The following TOPBP1 variants were observed in gnomAD, a reference collection of about 807,000 sequenced individuals.
TOPBP1 encodes the protein DNA topoisomerase II binding protein 1.
TOPBP1 carries 28 observed loss-of-function variants against 167.7 expected under a neutral mutation model. The ratio of observed to expected loss-of-function variants is 0.17; its 90% CI spans 0.12 to 0.23. The LOEUF is 0.23. TOPBP1 is among the 10% of genes least tolerant of loss of function. TOPBP1 has a pLI of 1.00. For missense variants in TOPBP1, 1,554 were observed against 1,809.6 expected, an observed-to-expected ratio of 0.86 and a Z score of 2.56; for synonymous variants, 598 against 611.4, an observed-to-expected ratio of 0.98 and a Z score of 0.32.
rs1356987231 is a variant in TOPBP1, at chr3:133,616,142, CAG to C, written c.3871+670_3871+671del. Among the ~76,000 whole-genome samples, 6 of 126,568 alleles carry C rather than the reference CAG, an allele frequency of 4.7e-5. No individual in the cohort carries two copies. The East Asian group carries it at 9.9e-4, about 21-fold the overall frequency. The allele number at this position is 126,568 out of a possible 152,430, so 83.0% of individuals were successfully genotyped here. A position where few individuals can be genotyped will look rare whatever the true frequency, so the allele number is the denominator to read the frequency against. On this transcript the variant is annotated intron_variant, in intron 23 of 27. Transcript: ENST00000260810. ...TTTCCCTTTTTTTTTTTTTTTGAGACAGAGTCTTGCTTTGTCACCCAGCCTGG... is the reference window on the plus strand; with the variant it reads ...TTTCCCTTTTTTTTTTTTTTTGAGACAGTCTTGCTTTGTCACCCAGCCTGG...
chr3:133,658,988 C>A, intron 3 of TOPBP1, 28 bp downstream of exon 3: 2 of 1,567,308 alleles, frequency 1.3e-6, no homozygotes, highest in Admixed American at 2.0e-5. Flanking sequence ...AATAGACTAC[C>A]AAAGGTACAC....
chr3:133,637,447 G>A (rs1417563094), intron 14 of TOPBP1, among the ~76,000 whole-genome samples: 2 of 152,130 alleles, frequency 1.3e-5, no homozygotes, highest in African/African-American at 4.8e-5. Flanking sequence ...ATTTTCAGAA[G>A]GCAAATCCCG....
chr3:133,621,107 G>A (rs2107784573), intron 19 of TOPBP1, among the ~76,000 whole-genome samples: 1 of 152,198 alleles, frequency 6.6e-6, no homozygotes, highest in East Asian at 1.9e-4. Flanking sequence ...TAACTCCTGG[G>A]CTCAAGTGAT....
intron 20 of TOPBP1, among the ~76,000 whole-genome samples, chr3:133,619,440 TCACA>T (rs1184952396): frequency 6.6e-6 from 1 of 152,170 alleles, no homozygotes; most frequent in East Asian, 1.9e-4. Context: ...ATAATTCTTA[TCACA>T]CAATTATAGA....
intron 14 of TOPBP1, among the ~76,000 whole-genome samples, chr3:133,629,574 TAAA>T (rs1436213867): frequency 1.3e-5 from 2 of 152,014 alleles, no homozygotes; most frequent in African/African-American, 4.8e-5. Context: ...TTAAAAAAAC[TAAA>T]AAAACAAGAC....
chr3:133,601,213 A>C lies in TOPBP1; in HGVS notation c.*37T>G. 1 of 1,556,214 alleles carries C rather than the reference A, an allele frequency of 6.4e-7. No homozygotes were observed. Among genetic ancestry groups the C allele is most frequent in the South Asian group, 1.2e-5 (1 of 81,118 alleles). On this transcript the variant is annotated 3_prime_UTR_variant, in exon 28 of 28. Coordinates refer to ENST00000260810, the MANE Select transcript of TOPBP1 (RefSeq NM_007027.4). ...TCACATTCAGGCTTTCAATTTTTAA[A>C]AACATTTAATGTTTGGTAACTAAAG...
Position 133,649,776 on chromosome 3 carries a change from A to G in TOPBP1, c.1253+4T>C, listed in dbSNP as rs775067017. On this transcript the variant is annotated splice_donor_region_variant and intron_variant, in intron 9 of 27. Transcript: ENST00000260810. ...AATTGCTTTGAATTAAAAACGAAAAAAACCTGTGGGCTGATTTATTCCAAA... is the reference window on the plus strand; with the variant it reads ...AATTGCTTTGAATTAAAAACGAAAAGAACCTGTGGGCTGATTTATTCCAAA... 6.3e-7 allele frequency: 1 copy of G among 1,584,330 alleles called. No individual in the cohort carries two copies. Among genetic ancestry groups the G allele is most frequent in the African/African-American group, 1.4e-5 (1 of 72,982 alleles).
intron 20 of TOPBP1, 130 bp downstream of exon 20, chr3:133,620,025 A>T: frequency 1.1e-6 from 1 of 924,346 alleles, no homozygotes; most frequent in Non-Finnish European, 1.6e-6. Context: ...TTCAGCTTTT[A>T]CTGCATATTG....
chr3:133,614,391 A>T (rs1934790420), intron 23 of TOPBP1, among the ~76,000 whole-genome samples: 1 of 152,172 alleles, frequency 6.6e-6, no homozygotes, highest in South Asian at 2.1e-4. Context: ...CTACATAACA[A>T]ACTTATTCTG....
At chr3:133,650,215 C>T (rs1414064927) in intron 8 of TOPBP1, among the ~76,000 whole-genome samples, 1 of 152,086 alleles carries the variant, frequency 6.6e-6, no homozygotes, top group Non-Finnish European at 1.5e-5. Flanking sequence ...CAGAGTCCAA[C>T]ATCTTCTAAA....
chr3:133,637,079 T>A (rs887772098), intron 14 of TOPBP1, among the ~76,000 whole-genome samples: 1 of 152,148 alleles, frequency 6.6e-6, no homozygotes, highest in Non-Finnish European at 1.5e-5. Context: ...TATAAACTTT[T>A]TAGTAAGTCC....
At chr3:133,611,268 A>G (rs762634630) in intron 24 of TOPBP1, 127 bp from the exon 25 acceptor site, 2 of 743,184 alleles carry the variant, frequency 2.7e-6, no homozygotes, top group Non-Finnish European at 3.9e-6. Context: ...TTACAAATAC[A>G]GACAGTACTA....
At chr3:133,630,345 C>G (rs1441942651) in intron 14 of TOPBP1, among the ~76,000 whole-genome samples, 1 of 150,540 alleles carries the variant, frequency 6.6e-6, no homozygotes, top group East Asian at 1.9e-4. Context: ...GTCACCCAAG[C>G]TGGAGTACAG....
chr3:133,618,443 A>G lies in TOPBP1; in HGVS notation c.3372-10T>C. ...TGTCTGACGAGACTGCCTAAGGAAT[A>G]GAAGTGACAGTTTAAATAAACAGCA... On this transcript the variant is annotated splice_polypyrimidine_tract_variant and intron_variant, in intron 20 of 27. Coordinates refer to ENST00000260810, the MANE Select transcript of TOPBP1 (RefSeq NM_007027.4). 6.2e-7 allele frequency: 1 copy of G among 1,607,482 alleles called. No homozygotes were observed. The highest frequency in any genetic ancestry group is 1.1e-5 in the South Asian group (1 of 90,882).
At chr3:133,609,669 T>C (rs55729127) in intron 25 of TOPBP1, among the ~76,000 whole-genome samples, 21,190 of 152,162 alleles carry the variant, frequency 0.14, 1,831 homozygotes, top group Non-Finnish European at 0.2. Flanking sequence ...TTCCCCACTT[T>C]GCTCTGCACT....
At position 133,618,276 on chromosome 3, in the gene TOPBP1, T is replaced by A; in HGVS notation, c.3529A>T (p.Ile1177Phe). The A allele has an allele frequency of 6.2e-7, 1 of 1,614,020 alleles. No homozygotes were observed. ...AAAGGAGAATCCTCCAAGTTTTGAA[T>A]GTCAACCTGAAGCTCAGAGTATTGT... ...PTQYSELQVDIQNLEDSPFQK... is the reference protein window; with the variant it reads ...PTQYSELQVDFQNLEDSPFQK... The change falls in exon 21 of 28, where the codon ATT becomes TTT. Residue 1177 changes from isoleucine (I) to phenylalanine (F), a missense_variant. Around this residue, in one of 3 missense-constraint regions of TOPBP1, gnomAD observed 351 missense variants for 432.9 expected, o/e 0.81. Transcript: ENST00000260810.
Position 133,623,550 on chromosome 3 carries a change from T to G in TOPBP1, c.2929-93A>C, listed in dbSNP as rs1935169802. The G allele has an allele frequency of 7.5e-6, 10 of 1,340,676 alleles. No individual in the cohort carries two copies. The East Asian group carries it at 2.4e-4, about 32-fold the overall frequency. 83.0% of individuals were successfully genotyped at this position (1,340,676 alleles called of 1,614,324 possible). A position where few individuals can be genotyped will look rare whatever the true frequency, so the allele number is the denominator to read the frequency against. On this transcript the variant is annotated intron_variant, in intron 17 of 27. Transcript: ENST00000260810. ...GATAAGGACAAGCAATACATTATAC[T>G]GTAATATGGCAAAAAGTTCACAAAA...
chr3:133,643,436 T>G, intron 11 of TOPBP1, 64 bp from the exon 12 acceptor site: 1 of 1,392,442 alleles, frequency 7.2e-7, no homozygotes, highest in Non-Finnish European at 9.6e-7. Context: ...TAACACTGGT[T>G]CAGGTACAGA....
At chr3:133,643,874 G>T (rs1334907086) in intron 11 of TOPBP1, 146 bp downstream of exon 11, 2 of 798,458 alleles carry the variant, frequency 2.5e-6, no homozygotes, top group Admixed American at 3.3e-5. Flanking sequence ...ATTTAATTTT[G>T]AATTTCCCTT....
Sources: gnomAD v4.1 joint callset for allele counts (sites outside exome capture counted in the v4.1 genomes callset) on GRCh38, gnomAD v4.1.1 for gene constraint, gnomAD v4.1.1 regional missense constraint, MANE v1.5 for transcripts, NCBI Gene and HGNC (gene_info 2026-07-23, HGNC 2026-07-21) for gene names.